CTIF: variants seen among roughly 807,000 people sequenced by gnomAD.
CTIF encodes cap binding complex dependent translation initiation factor, also known as CBP80/20-dependent translation initiation factor.
CTIF carries 21 observed loss-of-function variants against 66.0 expected under a neutral mutation model. That is an observed-to-expected ratio of 0.32 (90% CI 0.23 to 0.46). CTIF has a LOEUF of 0.46. CTIF is among the 20% of genes least tolerant of loss of function. The pLI, the probability that CTIF is intolerant of heterozygous loss-of-function variation, is 1.00. For missense variants in CTIF, 739 were observed against 812.7 expected (o/e 0.91, Z 1.10); for synonymous variants, 345 against 326.4 (o/e 1.06, Z -0.62).
At chr18:48,574,153 C>T (rs543459529) in intron 1 of CTIF, among the ~76,000 whole-genome samples, 1 of 152,366 alleles carries the variant, frequency 6.6e-6, no homozygotes, top group South Asian at 2.1e-4. Flanking sequence ...CCTGCTGTCA[C>T]TCTGAAGAGG....
chr18:48,709,127 A>G (rs1187362306), intron 6 of CTIF, among the ~76,000 whole-genome samples: 1 of 152,228 alleles, frequency 6.6e-6, no homozygotes. Flanking sequence ...TCTCCATTTT[A>G]CAGATATGGA....
intron 2 of CTIF, among the ~76,000 whole-genome samples, chr18:48,631,748 A>G (rs1178807426): frequency 1.3e-5 from 2 of 152,164 alleles, no homozygotes; most frequent in Non-Finnish European, 2.9e-5. Flanking sequence ...CATCGTTCCC[A>G]TATCTAACAA....
At chr18:48,550,095 G>A (rs2088847303) in intron 1 of CTIF, among the ~76,000 whole-genome samples, 1 of 152,194 alleles carries the variant, frequency 6.6e-6, no homozygotes, top group African/African-American at 2.4e-5. Context: ...CACAGGTAAT[G>A]CTGGTGCATA....
At chr18:48,856,927 A>G (rs1282285801) in intron 10 of CTIF, among the ~76,000 whole-genome samples, 2 of 152,246 alleles carry the variant, frequency 1.3e-5, no homozygotes, top group East Asian at 3.8e-4. Flanking sequence ...CTCAATTTAA[A>G]AGAGACAGAG....
intron 7 of CTIF, among the ~76,000 whole-genome samples, chr18:48,753,518 A>G (rs1225472906): frequency 6.6e-6 from 1 of 152,238 alleles, no homozygotes; most frequent in Non-Finnish European, 1.5e-5. Flanking sequence ...GAGTAAAACA[A>G]GACATCTGAT....
intron 2 of CTIF, among the ~76,000 whole-genome samples, chr18:48,635,327 C>CTTTTTTTTTTTTTTTTTTTTT (rs561455888): frequency 3.5e-5 from 4 of 113,372 alleles, no homozygotes; most frequent in East Asian, 2.3e-4. Flanking sequence ...CTTTTTCTTT[C>CTTTTTTTTTTTTTTTTTTTTT]TTTTTTTTTT....
chr18:48,824,125 C>A (rs1327081855), intron 10 of CTIF, among the ~76,000 whole-genome samples: 1 of 152,132 alleles, frequency 6.6e-6, no homozygotes, highest in Non-Finnish European at 1.5e-5. Flanking sequence ...GGAAAACAAT[C>A]TTACAATTGC....
chr18:48,606,336 G>A (rs1351219433), intron 1 of CTIF, among the ~76,000 whole-genome samples: 1 of 152,234 alleles, frequency 6.6e-6, no homozygotes, highest in Non-Finnish European at 1.5e-5. Flanking sequence ...CAGGATTGGA[G>A]TCAGATGCCT....
At chr18:48,567,871 G>C (rs1456162524) in intron 1 of CTIF, 2 of 152,380 alleles carry the variant, frequency 1.3e-5, no homozygotes, top group Non-Finnish European at 2.9e-5. Flanking sequence ...GTACCCTGGT[G>C]CTGGTTGTAC....
At chr18:48,542,284 C>T (rs1201075467) in intron 1 of CTIF, among the ~76,000 whole-genome samples, 3 of 152,174 alleles carry the variant, frequency 2.0e-5, no homozygotes, top group Non-Finnish European at 4.4e-5. Context: ...ATATGGTATG[C>T]CTGTTCATGT....
chr18:48,704,660 C>T (rs1002170416), intron 6 of CTIF, among the ~76,000 whole-genome samples: 1 of 152,224 alleles, frequency 6.6e-6, no homozygotes, highest in African/African-American at 2.4e-5. Flanking sequence ...AGTGTCCCCC[C>T]AGTCCTCACG....
chr18:48,759,850 G>T (rs1015615981), intron 8 of CTIF, among the ~76,000 whole-genome samples: 1 of 152,164 alleles, frequency 6.6e-6, no homozygotes, highest in Non-Finnish European at 1.5e-5. Flanking sequence ...TCAGTTTCAA[G>T]GACTCCACTC....
At chr18:48,605,198 C>T (rs556581453) in intron 1 of CTIF, among the ~76,000 whole-genome samples, 2 of 152,194 alleles carry the variant, frequency 1.3e-5, no homozygotes, top group South Asian at 4.2e-4. Context: ...AATTGCAAAC[C>T]ATTCCATATG....
At chr18:48,641,890 T>A (rs1236574023) in intron 3 of CTIF, among the ~76,000 whole-genome samples, 1 of 152,194 alleles carries the variant, frequency 6.6e-6, no homozygotes, top group Non-Finnish European at 1.5e-5. Context: ...ACCCAGGGGA[T>A]AACAGATGGT....
intron 1 of CTIF, among the ~76,000 whole-genome samples, chr18:48,586,551 G>T (rs150779148): frequency 6.6e-6 from 1 of 152,162 alleles, no homozygotes; most frequent in Non-Finnish European, 1.5e-5. Flanking sequence ...GATTATAGGC[G>T]TGAGCCACCA....
At chr18:48,703,298 A>C (rs1378900564) in intron 6 of CTIF, among the ~76,000 whole-genome samples, 1 of 152,222 alleles carries the variant, frequency 6.6e-6, no homozygotes, top group East Asian at 1.9e-4. Flanking sequence ...ACAGGTGATC[A>C]GCTGGGAGGG....
At chr18:48,645,821 C>A (rs1360809027) in intron 3 of CTIF, among the ~76,000 whole-genome samples, 1 of 152,180 alleles carries the variant, frequency 6.6e-6, no homozygotes, top group Non-Finnish European at 1.5e-5. Context: ...ACAGCAAGCA[C>A]CCCTGCGGCG....
chr18:48,777,124 C>T (rs375492868), intron 9 of CTIF, among the ~76,000 whole-genome samples: 1 of 152,244 alleles, frequency 6.6e-6, no homozygotes, highest in East Asian at 1.9e-4. Flanking sequence ...GGACCCATCC[C>T]CAACTCTCCC....
At chr18:48,586,539 G>A (rs141346623) in intron 1 of CTIF, among the ~76,000 whole-genome samples, 2,294 of 152,272 alleles carry the variant, frequency 0.015, 66 homozygotes, top group African/African-American at 0.053. Context: ...CCAAAGTGCT[G>A]GGATTATAGG....
Sources: allele counts gnomAD v4.1 joint callset (sites outside exome capture counted in the v4.1 genomes callset), GRCh38; gene constraint gnomAD v4.1.1; transcripts MANE v1.5; gene names NCBI Gene and HGNC (gene_info 2026-07-23, HGNC 2026-07-21).